The following LRP6 variants were observed in gnomAD, a reference collection of about 807,000 sequenced individuals.
LRP6 encodes LDL receptor related protein 6.
In LRP6, 43 loss-of-function variants were observed where a neutral mutation model predicts 184.1. That is an observed-to-expected ratio of 0.23 (90% CI 0.18 to 0.30). The LOEUF (loss-of-function observed/expected upper bound fraction) is 0.30, where lower values mean the gene tolerates loss of function less well. Among genes scored for constraint, LRP6 ranks in the 10% least tolerant of loss-of-function variants. The pLI is 1.00. For synonymous variants in LRP6, 719 were observed against 684.9 expected, an observed-to-expected ratio of 1.05 and a Z score of -0.78; for missense variants, 1,571 against 2,005.3, an observed-to-expected ratio of 0.78 and a Z score of 4.14.
At chr12:12,195,636 C>T (rs180744449) in intron 3 of LRP6, among the ~76,000 whole-genome samples, 1 of 152,194 alleles carries the variant, frequency 6.6e-6, no homozygotes, top group East Asian at 1.9e-4. Flanking sequence ...TTCCCTCATT[C>T]TGTAGGTCGT....
intron 2 of LRP6, among the ~76,000 whole-genome samples, chr12:12,213,509 T>G (rs76193618): frequency 0.1 from 15,722 of 152,116 alleles, 923 homozygotes; most frequent in African/African-American, 0.15. Context: ...TTTGCTTGAA[T>G]CAAAATTTGG....
At chr12:12,255,566 CTTT>C (rs749441005) in intron 1 of LRP6, among the ~76,000 whole-genome samples, 4 of 114,142 alleles carry the variant, frequency 3.5e-5, no homozygotes, top group African/African-American at 1.1e-4. Flanking sequence ...GGTTTGGTCA[CTTT>C]TTTTTTTTTT....
chr12:12,164,031 G>A (rs1862807072), intron 9 of LRP6, among the ~76,000 whole-genome samples: 1 of 151,854 alleles, frequency 6.6e-6, no homozygotes, highest in Admixed American at 6.6e-5. Flanking sequence ...TCGGGAGGCT[G>A]AAGCAGGAGA....
intron 17 of LRP6, among the ~76,000 whole-genome samples, chr12:12,134,321 C>G (rs1949801485): frequency 6.6e-6 from 1 of 152,060 alleles, no homozygotes; most frequent in Non-Finnish European, 1.5e-5. Context: ...AATTTTCACA[C>G]CATTAGAAAT....
intron 1 of LRP6, among the ~76,000 whole-genome samples, chr12:12,257,522 A>T (rs1865493556): frequency 6.7e-6 from 1 of 148,994 alleles, no homozygotes; most frequent in Non-Finnish European, 1.5e-5. Flanking sequence ...CGGAGCTTGC[A>T]GTGAGCCGAG....
chr12:12,168,398 A>G (rs1179468591), intron 7 of LRP6, among the ~76,000 whole-genome samples: 1 of 152,226 alleles, frequency 6.6e-6, no homozygotes, highest in Non-Finnish European at 1.5e-5. Flanking sequence ...GAAAAAAAGA[A>G]ATGAGTTAAG....
chr12:12,235,678 C>T (rs1032283330), intron 2 of LRP6, among the ~76,000 whole-genome samples: 2 of 151,060 alleles, frequency 1.3e-5, no homozygotes, highest in East Asian at 2.0e-4. Flanking sequence ...TGCAGTGAGC[C>T]GAGATCGCGC....
At chr12:12,211,488 G>A (rs568701091) in intron 2 of LRP6, among the ~76,000 whole-genome samples, 57 of 152,226 alleles carry the variant, frequency 3.7e-4, no homozygotes, top group African/African-American at 1.3e-3. Context: ...GGTTTGGGAC[G>A]GTAAGATGAT....
At chr12:12,145,859 T>C (rs924847424) in intron 15 of LRP6, among the ~76,000 whole-genome samples, 3 of 152,058 alleles carry the variant, frequency 2.0e-5, no homozygotes, top group African/African-American at 7.3e-5. Context: ...CTCAAACTCC[T>C]GACCTCAGGT....
intron 19 of LRP6, 110 bp downstream of exon 19, chr12:12,130,673 T>C (rs1280421496): frequency 1.4e-6 from 1 of 720,846 alleles, no homozygotes; most frequent in African/African-American, 1.8e-5. Context: ...AGCTTAATAT[T>C]AATACTTATT....
At chr12:12,259,410 C>T (rs1234975671) in intron 1 of LRP6, among the ~76,000 whole-genome samples, 1 of 152,098 alleles carries the variant, frequency 6.6e-6, no homozygotes, top group Non-Finnish European at 1.5e-5. Context: ...CCCCAATCTC[C>T]TCCTGAAATT....
intron 2 of LRP6, among the ~76,000 whole-genome samples, chr12:12,238,259 TGAGA>T (rs1363894943): frequency 7.2e-6 from 1 of 138,926 alleles, no homozygotes; most frequent in Non-Finnish European, 1.5e-5. Flanking sequence ...AGAGAAATAA[TGAGA>T]GAGAAGATAA....
intron 10 of LRP6, among the ~76,000 whole-genome samples, chr12:12,161,093 A>G (rs1862730988): frequency 6.6e-6 from 1 of 152,234 alleles, no homozygotes; most frequent in South Asian, 2.1e-4. Context: ...GCAGCAACCA[A>G]TTAGTCCCAA....
intron 3 of LRP6, 53 bp from the exon 4 acceptor site, chr12:12,187,172 T>C (rs886243835): frequency 3.5e-6 from 5 of 1,446,186 alleles, no homozygotes; most frequent in African/African-American, 2.8e-5. Context: ...TCTTCTTCTA[T>C]CATAACGTCA....
At position 12,150,944 on chromosome 12, in the gene LRP6, G is replaced by A. The variant is rs2136919539; in HGVS notation, c.2886C>T (p.His962=). 6.2e-7 allele frequency: 1 copy of A among 1,614,200 alleles called. No homozygotes were observed. Residue 962 remains histidine (H), a synonymous_variant, in exon 13 of 23, where the codon CAC becomes CAT. Transcript: ENST00000261349. ...QQSPDIILPI[H]SLRNVRAIDY... is the part of the protein sequence containing the mutation. The stretch of plus-strand genomic sequence containing the variant: ...CAATGGCCCGGACATTCCGAAGGCT[G>A]TGGATGGGAAGGATGATGTCGGGGC...
chr12:12,266,978 C>G lies in LRP6; in HGVS notation c.-243G>C, dbSNP rs557713125. The G allele has an allele frequency of 2.4e-5, 13 of 536,422 alleles. No homozygotes were observed. Among genetic ancestry groups the G allele is most frequent in the African/African-American group, 1.0e-4 (5 of 48,930 alleles). The allele number at this position is 536,422 out of a possible 1,614,324, so 33.2% of individuals were successfully genotyped here. On this transcript the variant is annotated 5_prime_UTR_variant, in exon 1 of 23. Coordinates refer to ENST00000261349, the MANE Select transcript of LRP6 (RefSeq NM_002336.3). ...TGCTTCCATCCCGCCGCCTCCTCCC[C>G]CGGCGCCCCGCTTCCCCCGCGCAGC... is the stretch of plus-strand genomic sequence containing the variant.
In LRP6 at chr12:12,182,835, A is replaced by G. The variant is rs142026533; in HGVS notation, c.976+1145T>C. On this transcript the variant is annotated intron_variant, in intron 5 of 22. Transcript: ENST00000261349. ...ATTTGAGCAAGGTGATCAAAACAGAACAGTTAACTTAAGGCTACTACATGC... is the reference window on the plus strand; with the variant it reads ...ATTTGAGCAAGGTGATCAAAACAGAGCAGTTAACTTAAGGCTACTACATGC... 2.6e-5 allele frequency among the ~76,000 whole-genome samples: 4 copies of G among 152,336 alleles called. No individual in the cohort carries two copies. The East Asian group carries it at 7.7e-4, about 29-fold the overall frequency.
At chr12:12,259,402 C>T (rs1406222200) in intron 1 of LRP6, among the ~76,000 whole-genome samples, 1 of 152,002 alleles carries the variant, frequency 6.6e-6, no homozygotes, top group Non-Finnish European at 1.5e-5. Context: ...TTTTGCATCC[C>T]CAATCTCCTC....
At chr12:12,254,454 T>C (rs185476376) in intron 1 of LRP6, among the ~76,000 whole-genome samples, 2 of 152,250 alleles carry the variant, frequency 1.3e-5, no homozygotes, top group African/African-American at 4.8e-5. Flanking sequence ...CTCTTTTCTC[T>C]GAAGCTATCT....
Sources: gnomAD v4.1 joint callset for allele counts (sites outside exome capture counted in the v4.1 genomes callset) on GRCh38, gnomAD v4.1.1 for gene constraint, MANE v1.5 for transcripts, NCBI Gene and HGNC (gene_info 2026-07-23, HGNC 2026-07-21) for gene names.